The following NEDD9 variants were observed in gnomAD, a reference collection of about 807,000 sequenced individuals.
The protein encoded by NEDD9 is enhancer of filamentation 1.
Under a neutral mutation model 76.6 loss-of-function variants are expected in NEDD9, and 26 were observed. The observed-to-expected ratio is 0.34, with a 90% confidence interval of 0.25 to 0.47. The LOEUF (loss-of-function observed/expected upper bound fraction) is 0.47, where lower values mean the gene tolerates loss of function less well. Among genes scored for constraint, NEDD9 ranks in the 20% least tolerant of loss-of-function variants. The pLI, the probability that NEDD9 is intolerant of heterozygous loss-of-function variation, is 1.00. For missense variants in NEDD9, 937 were observed against 1,058.5 expected (o/e 0.89, Z 1.59); for synonymous variants, 392 against 414.2 (o/e 0.95, Z 0.65).
intron 1 of NEDD9, among the ~76,000 whole-genome samples, chr6:11,344,371 C>T (rs966023746): frequency 3.3e-5 from 5 of 152,248 alleles, no homozygotes; most frequent in African/African-American, 1.2e-4. Context: ...TTCAAAGTGG[C>T]GAAAGGCTAA....
chr6:11,207,907 G>A (rs529574766), intron 2 of NEDD9, among the ~76,000 whole-genome samples: 1 of 152,364 alleles, frequency 6.6e-6, no homozygotes, highest in East Asian at 1.9e-4. Flanking sequence ...GCCAGGCGCA[G>A]TGGCTCATGC....
chr6:11,358,990 G>A (rs1352050712), intron 1 of NEDD9, among the ~76,000 whole-genome samples: 1 of 152,232 alleles, frequency 6.6e-6, no homozygotes, highest in East Asian at 1.9e-4. Context: ...TTAGTGGTGA[G>A]TCAGGAACAA....
At chr6:11,249,027 A>G in intron 3 of NEDD9, 1 of 428,098 alleles carries the variant, frequency 2.3e-6, no homozygotes, top group Non-Finnish European at 4.7e-6. Flanking sequence ...ACCAGTTTTC[A>G]TCCCCATGAT....
At chr6:11,349,421 A>G (rs569697759) in intron 1 of NEDD9, among the ~76,000 whole-genome samples, 1 of 152,336 alleles carries the variant, frequency 6.6e-6, no homozygotes, top group South Asian at 2.1e-4. Flanking sequence ...ATTACTGGGT[A>G]TATACCCAAA....
chr6:11,284,951 G>A (rs965106021), intron 3 of NEDD9, among the ~76,000 whole-genome samples: 14 of 152,030 alleles, frequency 9.2e-5, no homozygotes, highest in Admixed American at 7.2e-4. Flanking sequence ...TCTGCATTAA[G>A]CTGATCAGAA....
intron 2 of NEDD9, among the ~76,000 whole-genome samples, chr6:11,202,085 A>G (rs1758471135): frequency 6.6e-6 from 1 of 152,226 alleles, no homozygotes; most frequent in Admixed American, 6.5e-5. Flanking sequence ...CCGTGCTGTA[A>G]TGATTACAGA....
intron 1 of NEDD9, among the ~76,000 whole-genome samples, chr6:11,338,042 T>C (rs1196948278): frequency 6.6e-6 from 1 of 152,196 alleles, no homozygotes; most frequent in Non-Finnish European, 1.5e-5. Context: ...AGTTGAGTGC[T>C]GTCCCCTCCA....
rs1174226398 is a variant in NEDD9 at position 11,370,536 on chromosome 6, C to T, written c.-214+11603G>A. On this transcript the variant is annotated intron_variant, in intron 1 of 3. Transcript: ENST00000397378. The surrounding 1 kb of genome is among the most constrained non-coding windows in gnomAD (Gnocchi z 4.2). Reference sequence around the variant, plus strand: ...GTGCACAAGGCTCTCCTCAAGCCGCCTTTTCTTCCCCTCACAATCTCCTCA... The same window carrying T: ...GTGCACAAGGCTCTCCTCAAGCCGCTTTTTCTTCCCCTCACAATCTCCTCA... Among the ~76,000 whole-genome samples, 4 of 152,212 alleles carry T rather than the reference C, an allele frequency of 2.6e-5. No homozygotes were observed. Among genetic ancestry groups the T allele is most frequent in the African/African-American group, 9.7e-5 (4 of 41,450 alleles).
intron 2 of NEDD9, among the ~76,000 whole-genome samples, chr6:11,314,474 C>T (rs761080052): frequency 6.6e-6 from 1 of 152,156 alleles, no homozygotes; most frequent in Non-Finnish European, 1.5e-5. Flanking sequence ...GTAAAAATGG[C>T]AGGTCTTCTG....
At chr6:11,364,765 AT>A (rs1357903801) in intron 1 of NEDD9, among the ~76,000 whole-genome samples, 1 of 152,092 alleles carries the variant, frequency 6.6e-6, no homozygotes, top group Non-Finnish European at 1.5e-5. Context: ...TCTATCATGC[AT>A]TTTTCGCCAT....
At position 11,185,634 on chromosome 6, in the gene NEDD9, T is replaced by C. The variant is rs1757961483; in HGVS notation, c.2033A>G (p.Lys678Arg). Residue 678 changes from lysine (K) to arginine (R), a missense_variant, in exon 7 of 7, where the codon AAG becomes AGG. Physicochemically the swap from Lys to Arg is conservative, Grantham distance 26. Transcript: ENST00000379446. ...CTTCGAGATGTCATTCTCCACGGGC[T>C]TTGTAATCTCTTGTTCCAACAGCTG... ...QFQLLEQEIT[K>R]PVENDISKWK... 5 of 1,614,232 alleles carry C rather than the reference T, an allele frequency of 3.1e-6. No homozygotes were observed. In the African/African-American group the frequency reaches 5.3e-5, roughly 17 times the overall value.
At chr6:11,380,896 C>T (rs904644046) in intron 1 of NEDD9, among the ~76,000 whole-genome samples, 12 of 152,280 alleles carry the variant, frequency 7.9e-5, no homozygotes, top group South Asian at 6.2e-4. Flanking sequence ...GCAGCCTCGA[C>T]CTCCTGGGCT....
intron 3 of NEDD9, among the ~76,000 whole-genome samples, chr6:11,260,722 G>C (rs998214583): frequency 5.9e-5 from 9 of 152,200 alleles, no homozygotes; most frequent in African/African-American, 1.9e-4. Flanking sequence ...CTGGGGTAAG[G>C]ATGGTATTGA....
At chr6:11,294,913 C>T (rs944384261) in intron 3 of NEDD9, among the ~76,000 whole-genome samples, 13 of 152,136 alleles carry the variant, frequency 8.5e-5, no homozygotes, top group East Asian at 3.9e-4. Context: ...ATCATGGGGA[C>T]GGGTCTTTCC....
chr6:11,348,389 C>T (rs1258390328), intron 1 of NEDD9, among the ~76,000 whole-genome samples: 1 of 152,172 alleles, frequency 6.6e-6, no homozygotes, highest in Non-Finnish European at 1.5e-5. Context: ...CTATTCCTAT[C>T]AAACTACCAA....
intron 1 of NEDD9, among the ~76,000 whole-genome samples, chr6:11,357,178 G>T (rs1278551551): frequency 6.6e-6 from 1 of 152,104 alleles, no homozygotes. Context: ...AAATTGATTT[G>T]CTGGGACATT....
At chr6:11,221,051 T>A (rs1759126297) in intron 1 of NEDD9, among the ~76,000 whole-genome samples, 1 of 152,180 alleles carries the variant, frequency 6.6e-6, no homozygotes. Flanking sequence ...CACTCATCTG[T>A]GGTCTTTGGG....
chr6:11,305,757 C>G, intron 3 of NEDD9: 1 of 560,418 alleles, frequency 1.8e-6, no homozygotes, highest in South Asian at 2.2e-5. Flanking sequence ...AAGACTGCTT[C>G]CCCAGAGATT....
In NEDD9 at chr6:11,278,261, C is replaced by A. The variant is rs6915539; in HGVS notation, c.12+27731G>T. ...CCTCCTTGTTCATCTGAAGCGAATT[C>A]TGTACCCTGCCAGACCCTGCCTGTA... On this transcript the variant is annotated intron_variant, in intron 3 of 3. Coordinates refer to the NEDD9 transcript ENST00000397378. Among the ~76,000 whole-genome samples the A allele has an allele frequency of 9.2e-3, 1,398 of 152,300 alleles. 19 individuals are homozygous for A. The highest frequency in any genetic ancestry group is 0.032 in the African/African-American group (1,334 of 41,558).
Sources: allele counts gnomAD v4.1 joint callset (sites outside exome capture counted in the v4.1 genomes callset), GRCh38; gene constraint gnomAD v4.1.1; non-coding constraint Gnocchi (gnomAD v3.1); transcripts MANE v1.5; gene names NCBI Gene and HGNC (gene_info 2026-07-23, HGNC 2026-07-21).